NFE2L2: variants seen among roughly 807,000 people sequenced by gnomAD.
NFE2L2 encodes nuclear factor erythroid 2-related factor 2.
In NFE2L2, 20 loss-of-function variants were observed where a neutral mutation model predicts 49.6. The ratio of observed to expected loss-of-function variants is 0.40; its 90% confidence interval spans 0.28 to 0.59. The LOEUF (loss-of-function observed/expected upper bound fraction) is 0.59, where lower values mean the gene tolerates loss of function less well. Ranked by LOEUF, NFE2L2 falls within the 20% of genes least tolerant of loss-of-function variation. The pLI, the probability that NFE2L2 is intolerant of heterozygous loss-of-function variation, is 0.40. For synonymous variants in NFE2L2, 244 were observed against 256.5 expected, an observed-to-expected ratio of 0.95 and a Z score of 0.47; for missense variants, 578 against 714.2, an observed-to-expected ratio of 0.81 and a Z score of 2.17.
chr2:177,235,200 T>C (rs1316687617), intron 1 of NFE2L2, among the ~76,000 whole-genome samples: 2 of 151,520 alleles, frequency 1.3e-5, no homozygotes. Flanking sequence ...CTGAGGCAGG[T>C]GGATTGCTTG....
intron 1 of NFE2L2, among the ~76,000 whole-genome samples, chr2:177,259,143 A>G (rs1295626039): frequency 1.3e-5 from 2 of 152,142 alleles, no homozygotes; most frequent in African/African-American, 4.8e-5. Context: ...CTCTACTAAA[A>G]ATACAAAAAT....
intron 1 of NFE2L2, among the ~76,000 whole-genome samples, chr2:177,253,318 C>T (rs1213166094): frequency 6.6e-6 from 1 of 152,162 alleles, no homozygotes; most frequent in Admixed American, 6.6e-5. Context: ...AATGGACTCA[C>T]CCTCAAACTG....
chr2:177,251,589 T>A (rs552229521), intron 1 of NFE2L2, among the ~76,000 whole-genome samples: 1 of 152,224 alleles, frequency 6.6e-6, no homozygotes, highest in East Asian at 1.9e-4. Context: ...TGGGGTTGGT[T>A]TTCTGTCTCA....
At chr2:177,246,154 C>A (rs145026902) in intron 1 of NFE2L2, among the ~76,000 whole-genome samples, 32 of 152,334 alleles carry the variant, frequency 2.1e-4, no homozygotes, top group African/African-American at 7.5e-4. Flanking sequence ...TCTGGACACT[C>A]AGACTTGCCT....
chr2:177,257,476 T>C (rs148182648), intron 1 of NFE2L2, among the ~76,000 whole-genome samples: 2 of 152,236 alleles, frequency 1.3e-5, no homozygotes, highest in East Asian at 1.9e-4. Context: ...GCCAGGCACT[T>C]TGAAACACAG....
chr2:177,253,473 G>A (rs999101480), intron 1 of NFE2L2, among the ~76,000 whole-genome samples: 1 of 152,206 alleles, frequency 6.6e-6, no homozygotes, highest in South Asian at 2.1e-4. Flanking sequence ...CCTCAAGGGG[G>A]ATACGTGCTG....
chr2:177,257,571 A>T (rs1007034581), intron 1 of NFE2L2, among the ~76,000 whole-genome samples: 1 of 152,204 alleles, frequency 6.6e-6, no homozygotes, highest in Non-Finnish European at 1.5e-5. Flanking sequence ...TAAATAAGAC[A>T]TCCTAACCAG....
At chr2:177,233,216 G>A (rs371924002) in intron 3 of NFE2L2, 34 bp downstream of exon 3, 9 of 1,499,254 alleles carry the variant, frequency 6.0e-6, no homozygotes, top group Non-Finnish European at 8.2e-6. Context: ...TTATGATGGA[G>A]TTTTTCTATT....
intron 1 of NFE2L2, among the ~76,000 whole-genome samples, chr2:177,238,824 G>C (rs918641153): frequency 4.6e-5 from 7 of 152,220 alleles, no homozygotes; most frequent in Non-Finnish European, 8.8e-5. Flanking sequence ...TTTGATCTCA[G>C]AGATTCTGAA....
At position 177,230,407 on chromosome 2, in the gene NFE2L2, A is replaced by G; in HGVS notation, c.*378T>C. ...ATATAAAAAATGCCATTTTTTGTCCATACAGTATTTATAAAAAAGTACATA... is the reference window on the plus strand; with the variant it reads ...ATATAAAAAATGCCATTTTTTGTCCGTACAGTATTTATAAAAAAGTACATA... On this transcript the variant is annotated 3_prime_UTR_variant, in exon 5 of 5. Coordinates refer to ENST00000397062, the MANE Select transcript of NFE2L2 (RefSeq NM_006164.5). 1 of 237,046 alleles carries G rather than the reference A, an allele frequency of 4.2e-6. No individual in the cohort carries two copies. Among genetic ancestry groups the G allele is most frequent in the Non-Finnish European group, 8.3e-6 (1 of 120,840 alleles). 14.7% of individuals were successfully genotyped at this position (237,046 alleles called of 1,614,324 possible).
In NFE2L2 at chr2:177,264,557, G is replaced by A. The variant is rs1423095854; in HGVS notation, c.20C>T (p.Pro7Leu). MMDLEL[P>L]PPGLPSQQDM... ...CTGCTGGGACGGGAGTCCCGGCGGC[G>A]GCAGCTCCAAGTCCATCATGATGAG... The change falls in exon 1 of 5, where the codon CCG (proline) becomes CTG (leucine). Residue 7 changes from proline to leucine, a missense_variant. By Grantham distance (98) the Pro-to-Leu change is moderately conservative (BLOSUM62 -3). Around this residue, in one of 3 missense-constraint regions of NFE2L2, gnomAD observed 93 missense variants for 153.9 expected, o/e 0.60. Transcript: ENST00000397062. 3 of 1,519,274 alleles carry A rather than the reference G, an allele frequency of 2.0e-6. No individual in the cohort carries two copies. Among genetic ancestry groups the A allele is most frequent in the South Asian group, 2.5e-5 (2 of 81,082 alleles). The allele number at this position is 1,519,274 out of a possible 1,614,324, so 94.1% of individuals were successfully genotyped here.
chr2:177,243,692 G>T (rs953125259), intron 1 of NFE2L2, among the ~76,000 whole-genome samples: 2 of 152,016 alleles, frequency 1.3e-5, no homozygotes. Context: ...TTTTTGTAGA[G>T]ATGGTTCTTG....
Position 177,231,303 on chromosome 2 carries a change from G to C in NFE2L2, c.1300C>G (p.Pro434Ala), listed in dbSNP as rs2105452124. ...GTGAATGGGGTTTTCCGATGACCAG[G>C]ACTTACAGGCAATTCTTTCTCTGGT... ...NTPEKELPVSPGHRKTPFTKD... is the reference protein window; with the variant it reads ...NTPEKELPVSAGHRKTPFTKD... Residue 434 changes from proline (P) to alanine (A), a missense_variant, in exon 5 of 5, where the codon CCT (proline) becomes GCT (alanine). Coordinates refer to ENST00000397062, the MANE Select transcript of NFE2L2 (RefSeq NM_006164.5). 6.2e-7 allele frequency: 1 copy of C among 1,614,250 alleles called. No individual in the cohort carries two copies.
chr2:177,232,065 G>C (rs1353536135), intron 4 of NFE2L2, 57 bp from the exon 5 acceptor site: 10 of 1,449,844 alleles, frequency 6.9e-6, no homozygotes, highest in Non-Finnish European at 9.3e-6. Flanking sequence ...GATAATACGT[G>C]ATAAATTTAG....
chr2:177,254,276 C>A (rs1690441203), intron 1 of NFE2L2, among the ~76,000 whole-genome samples: 1 of 152,132 alleles, frequency 6.6e-6, no homozygotes, highest in African/African-American at 2.4e-5. Flanking sequence ...ATAAAATATA[C>A]CCAGACTCTA....
At chr2:177,236,058 T>A (rs1314145841) in intron 1 of NFE2L2, among the ~76,000 whole-genome samples, 1 of 152,262 alleles carries the variant, frequency 6.6e-6, no homozygotes, top group East Asian at 1.9e-4. Context: ...GAACGGGAGT[T>A]GGGACTTGAA....
chr2:177,242,058 C>A (rs1039099819), intron 1 of NFE2L2, among the ~76,000 whole-genome samples: 1 of 152,114 alleles, frequency 6.6e-6, no homozygotes, highest in Non-Finnish European at 1.5e-5. Flanking sequence ...ATAGCAATAC[C>A]AATTGTTTTC....
rs959510971 is a variant in NFE2L2, at chr2:177,263,845, C to A, written c.45+687G>T. On this transcript the variant is annotated intron_variant, in intron 1 of 4. Transcript: ENST00000397062. ...CGCCACACGTCGGGGCTTCTGAGCC[C>A]GCTGGGCACTTAAGGCGCTCCTCCC... 4.1e-6 allele frequency: 4 copies of A among 985,380 alleles called. No individual in the cohort carries two copies. In the African/African-American group the frequency reaches 5.2e-5, roughly 13 times the overall value. 61.0% of individuals were successfully genotyped at this position (985,380 alleles called of 1,614,324 possible).
At chr2:177,244,832 A>C (rs541746997) in intron 1 of NFE2L2, among the ~76,000 whole-genome samples, 1 of 151,740 alleles carries the variant, frequency 6.6e-6, no homozygotes, top group South Asian at 2.1e-4. Context: ...GTGAAACCCC[A>C]TCTCTACTAA....
Sources: allele counts gnomAD v4.1 joint callset (sites outside exome capture counted in the v4.1 genomes callset), GRCh38; gene constraint gnomAD v4.1.1; regional missense constraint gnomAD v4.1.1; transcripts MANE v1.5; gene names NCBI Gene and HGNC (gene_info 2026-07-23, HGNC 2026-07-21).